CPNE8: variants seen among roughly 807,000 people sequenced by gnomAD.
The protein encoded by CPNE8 is copine 8, also known as copine-8.
Under a neutral mutation model 81.5 loss-of-function variants are expected in CPNE8, and 45 were observed. The ratio of observed to expected loss-of-function variants is 0.55; its 90% CI spans 0.44 to 0.71. The LOEUF is 0.71. CPNE8 is among the 30% of genes least tolerant of loss of function. The probability of loss-of-function intolerance (pLI) is 0.00; values close to 1 mark genes in which losing one functional copy is unlikely to be tolerated. For missense variants in CPNE8, 594 were observed against 672.1 expected, an observed-to-expected ratio of 0.88 and a Z score of 1.28; for synonymous variants, 252 against 226.3, an observed-to-expected ratio of 1.11 and a Z score of -1.02.
chr12:38,762,963 A>G (rs1941601802), intron 8 of CPNE8, among the ~76,000 whole-genome samples: 1 of 152,118 alleles, frequency 6.6e-6, no homozygotes, highest in Non-Finnish European at 1.5e-5. Flanking sequence ...GGTTCATGCA[A>G]TCCTCCTGCC....
chr12:38,879,698 T>C (rs963930148), intron 1 of CPNE8, among the ~76,000 whole-genome samples: 1 of 152,160 alleles, frequency 6.6e-6, no homozygotes, highest in Non-Finnish European at 1.5e-5. Context: ...AATATCATTA[T>C]CCTTCCACAG....
rs535392479 is a variant in CPNE8, at chr12:38,797,759, G to A, written c.408-21458C>T. Among the ~76,000 whole-genome samples, 12 of 152,210 alleles carry A rather than the reference G, an allele frequency of 7.9e-5. No individual in the cohort carries two copies. In the South Asian group the frequency reaches 2.3e-3, roughly 29 times the overall value. On this transcript the variant is annotated intron_variant, in intron 6 of 19. Transcript: ENST00000331366. ...GAAGATCAAACTACTCCGAGCTAAA[G>A]GAGGAAGTTTGAACCAATGGCAAAG...
intron 4 of CPNE8, among the ~76,000 whole-genome samples, chr12:38,845,912 A>C (rs1943552363): frequency 6.6e-6 from 1 of 152,158 alleles, no homozygotes; most frequent in Non-Finnish European, 1.5e-5. Flanking sequence ...CTTTGAATTG[A>C]ATTTCTGAAA....
At chr12:38,675,082 G>T (rs1427473987) in intron 18 of CPNE8, among the ~76,000 whole-genome samples, 1 of 152,148 alleles carries the variant, frequency 6.6e-6, no homozygotes, top group Non-Finnish European at 1.5e-5. Flanking sequence ...CTCTTAATGG[G>T]CATTTGAACA....
intron 16 of CPNE8, among the ~76,000 whole-genome samples, chr12:38,678,971 C>T (rs989402726): frequency 2.0e-5 from 3 of 151,806 alleles, no homozygotes; most frequent in Non-Finnish European, 4.4e-5. Context: ...TCCTATTCCA[C>T]GTTTAACTTT....
At chr12:38,763,746 T>A (rs1371275187) in intron 8 of CPNE8, among the ~76,000 whole-genome samples, 1 of 152,196 alleles carries the variant, frequency 6.6e-6, no homozygotes, top group Non-Finnish European at 1.5e-5. Context: ...CAAAGTGATC[T>A]TCACTGAAAC....
At chr12:38,789,098 C>A (rs867067819) in intron 6 of CPNE8, among the ~76,000 whole-genome samples, 5 of 151,750 alleles carry the variant, frequency 3.3e-5, no homozygotes, top group South Asian at 2.1e-4. Flanking sequence ...ATAGGAAAAA[C>A]AATCCTAAAA....
At chr12:38,879,367 G>A (rs1440116233) in intron 1 of CPNE8, among the ~76,000 whole-genome samples, 1 of 150,868 alleles carries the variant, frequency 6.6e-6, no homozygotes, top group Non-Finnish European at 1.5e-5. Flanking sequence ...CTCCCTCCTC[G>A]AATTGTCTGT....
At chr12:38,735,934 ATCATTTATC>A (rs1940943211) in intron 10 of CPNE8, among the ~76,000 whole-genome samples, 1 of 151,850 alleles carries the variant, frequency 6.6e-6, no homozygotes. Context: ...TGTAGAAGTG[ATCATTTATC>A]TCCAGCTTTG....
intron 14 of CPNE8, among the ~76,000 whole-genome samples, chr12:38,700,721 T>C (rs1344997205): frequency 6.6e-6 from 1 of 152,146 alleles, no homozygotes; most frequent in Non-Finnish European, 1.5e-5. Flanking sequence ...ATAATTCCCA[T>C]GTGCCATGGG....
intron 7 of CPNE8, among the ~76,000 whole-genome samples, chr12:38,770,168 T>C (rs1226423874): frequency 6.6e-6 from 1 of 152,202 alleles, no homozygotes; most frequent in African/African-American, 2.4e-5. Context: ...ACTTGGATGT[T>C]TCACAGGCAC....
At chr12:38,834,506 C>G (rs1352461289) in intron 5 of CPNE8, among the ~76,000 whole-genome samples, 1 of 152,158 alleles carries the variant, frequency 6.6e-6, no homozygotes, top group Non-Finnish European at 1.5e-5. Flanking sequence ...CATCATCAGT[C>G]ATACTACCAA....
chr12:38,749,662 C>T (rs573160957), intron 10 of CPNE8, among the ~76,000 whole-genome samples: 3 of 152,174 alleles, frequency 2.0e-5, no homozygotes, highest in South Asian at 4.2e-4. Context: ...TTTGCCCCTA[C>T]CCTAACAATT....
At chr12:38,734,234 G>A (rs1592047549) in intron 10 of CPNE8, among the ~76,000 whole-genome samples, 1 of 151,862 alleles carries the variant, frequency 6.6e-6, no homozygotes. Context: ...AACACACTTA[G>A]GGCAATAGCA....
intron 7 of CPNE8, among the ~76,000 whole-genome samples, chr12:38,769,922 C>A (rs1941766775): frequency 6.6e-6 from 1 of 151,950 alleles, no homozygotes; most frequent in Non-Finnish European, 1.5e-5. Flanking sequence ...AATGTTCTTG[C>A]AATTACTCAG....
chr12:38,699,110 T>C (rs1007667139), intron 14 of CPNE8, among the ~76,000 whole-genome samples: 1 of 152,226 alleles, frequency 6.6e-6, no homozygotes, highest in African/African-American at 2.4e-5. Flanking sequence ...GGTTTCTCTC[T>C]TTATTTTCAT....
intron 1 of CPNE8, among the ~76,000 whole-genome samples, chr12:38,879,862 G>A (rs1944125875): frequency 6.6e-6 from 1 of 151,676 alleles, no homozygotes. Flanking sequence ...AAACATACAA[G>A]ATACTTGTTT....
chr12:38,887,948 T>C (rs1194699498), intron 1 of CPNE8, among the ~76,000 whole-genome samples: 1 of 152,228 alleles, frequency 6.6e-6, no homozygotes, highest in Non-Finnish European at 1.5e-5. Context: ...AAGTGGACAA[T>C]GATCCTCCAA....
Position 38,717,426 on chromosome 12 carries a change from G to GCTATATATAT in CPNE8, c.914+6345_914+6346insATATATATAG, listed in dbSNP as rs1565581359. ...ACCAACAAGTAAACAAAGAAAGTGT[G>GCTATATATAT]GTGTATATATATATATATATATATA... On this transcript the variant is annotated intron_variant, in intron 13 of 19. Transcript: ENST00000331366. 1.1e-4 allele frequency among the ~76,000 whole-genome samples: 3 copies of GCTATATATAT among 27,782 alleles called. 1 individual carries two copies. Among genetic ancestry groups the GCTATATATAT allele is most frequent in the Admixed American group, 4.9e-4 (1 of 2,030 alleles). 18.2% of individuals were successfully genotyped at this position (27,782 alleles called of 152,430 possible).
Sources: allele counts gnomAD v4.1 joint callset (sites outside exome capture counted in the v4.1 genomes callset), GRCh38; gene constraint gnomAD v4.1.1; transcripts MANE v1.5; gene names NCBI Gene and HGNC (gene_info 2026-07-23, HGNC 2026-07-21).